Variants in MYZAP observed in about 807,000 individuals in gnomAD.
MYZAP encodes myocardial zonula adherens protein.
MYZAP carries 66 observed loss-of-function variants against 69.4 expected under a neutral mutation model. The observed-to-expected ratio is 0.95, with a 90% CI of 0.78 to 1.17. The LOEUF is 1.17. MYZAP is among the 50% of genes most tolerant of loss of function. The pLI is 0.00. For synonymous variants in MYZAP, 256 were observed against 205.9 expected, an observed-to-expected ratio of 1.24 and a Z score of -2.09; for missense variants, 611 against 556.2, an observed-to-expected ratio of 1.10 and a Z score of -0.99.
At chr15:57,683,247 C>T (rs535876537) in intron 12 of MYZAP, among the ~76,000 whole-genome samples, 28 of 152,300 alleles carry the variant, frequency 1.8e-4, no homozygotes, top group African/African-American at 6.5e-4. Context: ...AATGTCCCGA[C>T]CTCTTTGTCC....
chr15:57,624,006 C>T (rs1178333274), intron 4 of MYZAP, among the ~76,000 whole-genome samples: 2 of 152,078 alleles, frequency 1.3e-5, no homozygotes, highest in Non-Finnish European at 2.9e-5. Flanking sequence ...AAGTAACTAA[C>T]AACTGTTTCT....
chr15:57,645,979 T>G (rs1024603645), intron 10 of MYZAP, among the ~76,000 whole-genome samples: 7 of 152,394 alleles, frequency 4.6e-5, no homozygotes, highest in African/African-American at 1.4e-4. Context: ...TGTGGTGTGC[T>G]GAAATGTGCA....
At chr15:57,652,477 A>G (rs1318576484) in intron 10 of MYZAP, among the ~76,000 whole-genome samples, 2 of 152,170 alleles carry the variant, frequency 1.3e-5, no homozygotes, top group East Asian at 3.9e-4. Flanking sequence ...GTAACTATGA[A>G]ATTACGATGT....
chr15:57,624,351 C>A (rs1268004414), intron 4 of MYZAP, among the ~76,000 whole-genome samples: 2 of 152,070 alleles, frequency 1.3e-5, no homozygotes, highest in Admixed American at 6.5e-5. Context: ...CACCTAGTAC[C>A]TTGATTATAG....
intron 11 of MYZAP, among the ~76,000 whole-genome samples, chr15:57,668,467 A>G (rs2038701041): frequency 6.6e-6 from 1 of 152,198 alleles, no homozygotes; most frequent in African/African-American, 2.4e-5. Context: ...AAATTTAGCC[A>G]TTCAGTGTTA....
rs375660894 is a variant in MYZAP at position 57,605,887 on chromosome 15, G to A, written c.162+1532G>A. 2.0e-5 allele frequency among the ~76,000 whole-genome samples: 3 copies of A among 152,182 alleles called. No individual in the cohort carries two copies. The South Asian group carries it at 6.2e-4, about 32-fold the overall frequency. On this transcript the variant is annotated intron_variant, in intron 2 of 12. Coordinates refer to ENST00000267853, the MANE Select transcript of MYZAP (RefSeq NM_001018100.5). ...ACTGGCCAAAATGGGAACAGCTGGA[G>A]CATCAAAAAGAATAATGACAGTCAT...
At chr15:57,621,173 T>A (rs2253772) in intron 3 of MYZAP, among the ~76,000 whole-genome samples, 67,759 of 145,248 alleles carry the variant, frequency 0.47, 16,388 homozygotes, top group African/African-American at 0.57. Flanking sequence ...TGTTCTTAAG[T>A]TTATTTTTAT....
At chr15:57,630,555 G>C (rs373939607) in intron 6 of MYZAP, among the ~76,000 whole-genome samples, 2 of 152,274 alleles carry the variant, frequency 1.3e-5, no homozygotes, top group African/African-American at 4.8e-5. Context: ...TTCTCAAGAA[G>C]AAAATTGGTG....
Position 57,661,473 on chromosome 15 carries a change from G to T in MYZAP, c.1143G>T (p.Leu381Phe). 1 of 1,608,406 alleles carries T rather than the reference G, an allele frequency of 6.2e-7. No individual in the cohort carries two copies. The highest frequency in any genetic ancestry group is 8.5e-7 in the Non-Finnish European group (1 of 1,178,478). ...AGATTGAATCATTAAAGAAAAAGTT[G>T]CAACAGAAACAGCTCTTAATACTGC... ...VEEIESLKKK[L>F]QQKQLLILQL... The change falls in exon 11 of 13, where the codon TTG becomes TTT. Residue 381 changes from leucine (L) to phenylalanine (F), a missense_variant. By Grantham distance (22) the Leu-to-Phe change is conservative. Transcript: ENST00000267853.
intron 10 of MYZAP, among the ~76,000 whole-genome samples, chr15:57,642,178 C>G (rs7170508): frequency 1.4e-3 from 212 of 152,334 alleles, no homozygotes; most frequent in African/African-American, 4.9e-3. Context: ...TGTTCCTCCA[C>G]AAATTCTGTG....
intron 10 of MYZAP, chr15:57,646,294 T>C: frequency 2.4e-6 from 3 of 1,260,512 alleles, no homozygotes; most frequent in Non-Finnish European, 2.1e-6. Context: ...TTATCTATGA[T>C]GAGCCAATGA....
At chr15:57,680,950 GT>G (rs1177273443) in intron 12 of MYZAP, among the ~76,000 whole-genome samples, 1 of 152,188 alleles carries the variant, frequency 6.6e-6, no homozygotes, top group Non-Finnish European at 1.5e-5. Context: ...GCCTAAATGT[GT>G]TAAGGCAAAT....
At position 57,672,172 on chromosome 15, in the gene MYZAP, A is replaced by T. The variant is rs148662331; in HGVS notation, c.1204-2796A>T. Among the ~76,000 whole-genome samples, 404 of 152,146 alleles carry T rather than the reference A, an allele frequency of 2.7e-3. 7 individuals are homozygous for T. Among genetic ancestry groups the T allele is most frequent in the African/African-American group, 9.3e-3 (388 of 41,514 alleles). On this transcript the variant is annotated intron_variant, in intron 11 of 12. Transcript: ENST00000267853. The stretch of plus-strand genomic sequence containing the variant: ...ATACAAGAATTTAGTGTTTTCCCCC[A>T]ACTCTGACTCTCCTCTTTTGCCTTC...
intron 10 of MYZAP, among the ~76,000 whole-genome samples, chr15:57,644,918 C>T (rs1311863288): frequency 6.6e-6 from 1 of 152,176 alleles, no homozygotes; most frequent in Non-Finnish European, 1.5e-5. Context: ...GGACAGAATC[C>T]AATCCACCTA....
chr15:57,623,619 G>T (rs1157540283), intron 4 of MYZAP, among the ~76,000 whole-genome samples: 1 of 151,950 alleles, frequency 6.6e-6, no homozygotes, highest in East Asian at 1.9e-4. Context: ...TGTAATCCTA[G>T]CTACTCCGTT....
chr15:57,631,531 T>C lies in MYZAP; in HGVS notation c.679-903T>C, dbSNP rs1456188387. Among the ~76,000 whole-genome samples, 4 of 150,846 alleles carry C rather than the reference T, an allele frequency of 2.7e-5. No homozygotes were observed. In the East Asian group the frequency reaches 7.8e-4, roughly 29 times the overall value. On this transcript the variant is annotated intron_variant, in intron 6 of 12. Coordinates refer to ENST00000267853, the MANE Select transcript of MYZAP (RefSeq NM_001018100.5). ...GACCTGGATGCAGAGTGAATGGGCC[T>C]CCAGGGACAGAGCCCTTCCAGCAAG...
At chr15:57,609,435 T>C (rs568987609) in intron 2 of MYZAP, among the ~76,000 whole-genome samples, 2 of 152,334 alleles carry the variant, frequency 1.3e-5, no homozygotes, top group African/African-American at 4.8e-5. Context: ...AATCCTTGCC[T>C]TGTGGCAGCA....
chr15:57,625,927 C>T (rs1467310296), intron 5 of MYZAP, 35 bp downstream of exon 5: 1 of 1,588,168 alleles, frequency 6.3e-7, no homozygotes, highest in Non-Finnish European at 8.6e-7. Context: ...CAGGGCAACC[C>T]AGCTTAATCA....
intron 10 of MYZAP, among the ~76,000 whole-genome samples, chr15:57,655,318 T>G (rs1360478289): frequency 1.2e-4 from 18 of 152,074 alleles, no homozygotes; most frequent in East Asian, 1.2e-3. Context: ...GAGGATGGAG[T>G]GTCCTAAATA....
Sources: gnomAD v4.1 joint callset for allele counts (sites outside exome capture counted in the v4.1 genomes callset) on GRCh38, gnomAD v4.1.1 for gene constraint, MANE v1.5 for transcripts, NCBI Gene and HGNC (gene_info 2026-07-23, HGNC 2026-07-21) for gene names.